Variants in SORCS3 observed in about 807,000 individuals in gnomAD.
The protein encoded by SORCS3 is VPS10 domain-containing receptor SorCS3.
SORCS3 carries 57 observed loss-of-function variants against 146.3 expected under a neutral mutation model. That is an observed-to-expected ratio of 0.39 (90% CI 0.31 to 0.49). SORCS3 has a LOEUF of 0.49. SORCS3 is among the 20% of genes least tolerant of loss of function. The pLI is 0.92. For missense variants in SORCS3, 1,341 were observed against 1,575.5 expected, an observed-to-expected ratio of 0.85 and a Z score of 2.52; for synonymous variants, 653 against 618.5, an observed-to-expected ratio of 1.06 and a Z score of -0.83.
At chr10:104,786,103 A>C (rs2017432303) in intron 1 of SORCS3, among the ~76,000 whole-genome samples, 2 of 152,152 alleles carry the variant, frequency 1.3e-5, no homozygotes, top group Admixed American at 6.5e-5. Flanking sequence ...TTCACAACAC[A>C]ATGAATTACT....
At chr10:104,845,323 C>T (rs1199800347) in intron 2 of SORCS3, among the ~76,000 whole-genome samples, 1 of 152,126 alleles carries the variant, frequency 6.6e-6, no homozygotes. Context: ...GAATTTTTTT[C>T]ACTTTAATTC....
chr10:105,139,591 G>A (rs982721436), intron 8 of SORCS3, 105 bp downstream of exon 8: 31 of 851,794 alleles, frequency 3.6e-5, no homozygotes, highest in Admixed American at 7.8e-5. Context: ...TGGAAGGACT[G>A]CTGGCATTTA....
At chr10:105,024,943 T>C (rs1260538595) in intron 4 of SORCS3, among the ~76,000 whole-genome samples, 1 of 152,190 alleles carries the variant, frequency 6.6e-6, no homozygotes, top group Non-Finnish European at 1.5e-5. Context: ...TTTTATACTT[T>C]CTTTATTTCC....
At chr10:105,229,014 A>G (rs530806281) in intron 20 of SORCS3, among the ~76,000 whole-genome samples, 4 of 152,282 alleles carry the variant, frequency 2.6e-5, no homozygotes, top group Admixed American at 1.3e-4. Context: ...ATCATGTTCC[A>G]TATAGCACAT....
intron 9 of SORCS3, among the ~76,000 whole-genome samples, chr10:105,151,585 C>T (rs1260566297): frequency 6.6e-6 from 1 of 152,050 alleles, no homozygotes; most frequent in Non-Finnish European, 1.5e-5. Flanking sequence ...ATCACTCCAT[C>T]TTCTGCATGG....
chr10:104,821,937 G>A (rs1281701583), intron 1 of SORCS3, among the ~76,000 whole-genome samples: 1 of 152,146 alleles, frequency 6.6e-6, no homozygotes, highest in Non-Finnish European at 1.5e-5. Context: ...TGTGTACAAG[G>A]TTATTGGAAT....
chr10:105,030,595 CTTTTTT>C (rs34314523), intron 4 of SORCS3, among the ~76,000 whole-genome samples: 3 of 144,122 alleles, frequency 2.1e-5, no homozygotes, highest in Admixed American at 7.0e-5. Context: ...GCTGAAGATC[CTTTTTT>C]TTTTTTTTGA....
chr10:104,861,078 G>A (rs370752004), intron 2 of SORCS3, among the ~76,000 whole-genome samples: 17 of 152,258 alleles, frequency 1.1e-4, no homozygotes, highest in East Asian at 7.7e-4. Context: ...GTGTGTGGAA[G>A]GGTCCAGTCT....
At chr10:104,826,842 T>G (rs115371066) in intron 1 of SORCS3, among the ~76,000 whole-genome samples, 216 of 152,342 alleles carry the variant, frequency 1.4e-3, no homozygotes, top group African/African-American at 5.0e-3. Context: ...TTGAAGTCAA[T>G]CTTCTCAAGC....
chr10:104,751,088 A>G (rs1303934518), intron 1 of SORCS3, among the ~76,000 whole-genome samples: 2 of 152,200 alleles, frequency 1.3e-5, no homozygotes, highest in Non-Finnish European at 2.9e-5. Flanking sequence ...AAAAAGAGAC[A>G]TTATAGCAGC....
In SORCS3 at chr10:104,641,872, G is replaced by T. The variant is rs775348931; in HGVS notation, c.545G>T (p.Arg182Leu). 1 of 1,585,468 alleles carries T rather than the reference G, an allele frequency of 6.3e-7. No homozygotes were observed. The highest frequency in any genetic ancestry group is 1.7e-5 in the Admixed American group (1 of 57,610). ...GGGGGGTCGGCGGCTGAAGACCTCC[G>T]GCTGCCCAGCACCTCCTTCGCGCTG... Reference protein sequence around the residue: ...RAGGSAAEDLRLPSTSFALTG... With the variant: ...RAGGSAAEDLLLPSTSFALTG... Residue 182 changes from arginine to leucine, a missense_variant, in exon 1 of 27, where the codon CGG becomes CTG. Transcript: ENST00000369701. The surrounding 1 kb of genome is among the most constrained non-coding windows in gnomAD (Gnocchi z 6.4).
rs570825000 is a variant in SORCS3, at chr10:105,091,534, C to T, written c.1093+1695C>T. Among the ~76,000 whole-genome samples the T allele has an allele frequency of 7.6e-4, 102 of 133,880 alleles. 1 individual carries two copies. Among genetic ancestry groups the T allele is most frequent in the African/African-American group, 2.8e-3 (101 of 36,018 alleles). 87.8% of individuals were successfully genotyped at this position (133,880 alleles called of 152,430 possible). ...CCTTCCTTCGTTCCTTCCTTCCTTC[C>T]TCCCTCCCTCCCTCCTTCCCTCCTT... On this transcript the variant is annotated intron_variant, in intron 6 of 26. Transcript: ENST00000369701.
At position 104,759,534 on chromosome 10, in the gene SORCS3, G is replaced by A. The variant is rs138950101; in HGVS notation, c.628-83258G>A. Among the ~76,000 whole-genome samples, 19 of 152,296 alleles carry A rather than the reference G, an allele frequency of 1.2e-4. No individual in the cohort carries two copies. The East Asian group carries it at 3.7e-3, about 29-fold the overall frequency. On this transcript the variant is annotated intron_variant, in intron 1 of 26. Transcript: ENST00000369701. ...TTGGATAATATTCTGCTGAGATTGC[G>A]TGAAGGTTACTTTAGTATATAGTTT...
At position 105,163,462 on chromosome 10, in the gene SORCS3, C is replaced by T. The variant is rs377589341; in HGVS notation, c.1733-841C>T. On this transcript the variant is annotated intron_variant, in intron 11 of 26. Transcript: ENST00000369701. ...GAACATGATCCAATCATTTGTTTTCCCATTCATTCATTCCACAATTATTTA... is the reference window on the plus strand; with the variant it reads ...GAACATGATCCAATCATTTGTTTTCTCATTCATTCATTCCACAATTATTTA... 1.4e-3 allele frequency among the ~76,000 whole-genome samples: 213 copies of T among 152,282 alleles called. 2 individuals carry two copies. The highest frequency in any genetic ancestry group is 4.8e-3 in the African/African-American group (200 of 41,568).
At chr10:104,826,618 A>T (rs61867302) in intron 1 of SORCS3, among the ~76,000 whole-genome samples, 6 of 152,250 alleles carry the variant, frequency 3.9e-5, no homozygotes, top group African/African-American at 1.4e-4. Context: ...GTGAGAAATC[A>T]TCTTTTTTGC....
chr10:104,843,962 T>C (rs1004556067), intron 2 of SORCS3, among the ~76,000 whole-genome samples: 7 of 152,214 alleles, frequency 4.6e-5, no homozygotes, highest in African/African-American at 1.7e-4. Context: ...GAGGGTTTCC[T>C]GGGGTTTTGG....
At position 105,127,224 on chromosome 10, in the gene SORCS3, G is replaced by A. The variant is rs377636385; in HGVS notation, c.1213-12173G>A. Among the ~76,000 whole-genome samples the A allele has an allele frequency of 1.3e-4, 20 of 152,230 alleles. No homozygotes were observed. In the South Asian group the frequency reaches 4.1e-3, roughly 32 times the overall value. On this transcript the variant is annotated intron_variant, in intron 7 of 26. Transcript: ENST00000369701. ...TTCCCTGTTTCCTGCAGGAAAGCAA[G>A]CTCTTTTATAGCCCCTGATTTTCGA...
At chr10:105,113,586 C>T (rs2133759344) in intron 7 of SORCS3, among the ~76,000 whole-genome samples, 1 of 152,176 alleles carries the variant, frequency 6.6e-6, no homozygotes, top group East Asian at 1.9e-4. Context: ...CATAAACCAC[C>T]CACACAGCTC....
Position 104,765,909 on chromosome 10 carries a change from G to A in SORCS3, c.628-76883G>A, listed in dbSNP as rs1439385625. On this transcript the variant is annotated intron_variant, in intron 1 of 26. Coordinates refer to ENST00000369701, the MANE Select transcript of SORCS3 (RefSeq NM_014978.3). Reference sequence around the variant, plus strand: ...CCCACCCAGTGAGTCTGGCTCCAGGGTCTGTGTTTTTAGCTGCCTTACTAT... The same window carrying A: ...CCCACCCAGTGAGTCTGGCTCCAGGATCTGTGTTTTTAGCTGCCTTACTAT... 3.3e-5 allele frequency among the ~76,000 whole-genome samples: 5 copies of A among 152,182 alleles called. No individual in the cohort carries two copies. The East Asian group carries it at 7.7e-4, about 23-fold the overall frequency.
Sources: allele counts gnomAD v4.1 joint callset (sites outside exome capture counted in the v4.1 genomes callset), GRCh38; gene constraint gnomAD v4.1.1; non-coding constraint Gnocchi (gnomAD v3.1); transcripts MANE v1.5; gene names NCBI Gene and HGNC (gene_info 2026-07-23, HGNC 2026-07-21).